RPTOR: variants seen among roughly 807,000 people sequenced by gnomAD.
RPTOR encodes regulatory-associated protein of mTOR.
A neutral mutation model predicts 169.9 loss-of-function variants in RPTOR; 21 were observed. The ratio of observed to expected loss-of-function variants is 0.12; its 90% confidence interval spans 0.09 to 0.18. The LOEUF (loss-of-function observed/expected upper bound fraction) is 0.18, where lower values mean the gene tolerates loss of function less well. Among genes scored for constraint, RPTOR ranks in the 10% least tolerant of loss-of-function variants. The pLI is 1.00. For synonymous variants in RPTOR, 732 were observed against 753.2 expected, an observed-to-expected ratio of 0.97 and a Z score of 0.46; for missense variants, 1,133 against 1,855.9, an observed-to-expected ratio of 0.61 and a Z score of 7.16.
At position 80,857,190 on chromosome 17, in the gene RPTOR, CAG is replaced by C. The variant is rs538125915; in HGVS notation, c.1399-595_1399-594del. On this transcript the variant is annotated intron_variant, in intron 12 of 33. Coordinates refer to ENST00000306801, the MANE Select transcript of RPTOR (RefSeq NM_020761.3). The stretch of plus-strand genomic sequence containing the variant: ...GCCCTCCCTCCCCTGCCTCTGAGGG[CAG>C]AGAGTCCCCTGAGAATGACATGGCC... Among the ~76,000 whole-genome samples, 11 of 152,362 alleles carry C rather than the reference CAG, an allele frequency of 7.2e-5. No homozygotes were observed. In the East Asian group the frequency reaches 2.1e-3, roughly 29 times the overall value.
intron 5 of RPTOR, among the ~76,000 whole-genome samples, chr17:80,738,644 A>G (rs1228786854): frequency 6.6e-6 from 1 of 152,174 alleles, no homozygotes; most frequent in Non-Finnish European, 1.5e-5. Flanking sequence ...TCTCCTACAC[A>G]GCGGCCTTGA....
At chr17:80,667,295 G>C (rs2065788200) in intron 3 of RPTOR, among the ~76,000 whole-genome samples, 1 of 152,170 alleles carries the variant, frequency 6.6e-6, no homozygotes, top group Non-Finnish European at 1.5e-5. Context: ...CGTCTGAGCT[G>C]GGAGCGAAGG....
At chr17:80,858,557 G>A (rs542022600) in intron 13 of RPTOR, among the ~76,000 whole-genome samples, 2 of 152,342 alleles carry the variant, frequency 1.3e-5, no homozygotes, top group East Asian at 3.9e-4. Flanking sequence ...CTTGGGTGCT[G>A]GCAGGGGTTG....
chr17:80,833,150 C>CGGACTT (rs1026961366), intron 9 of RPTOR, among the ~76,000 whole-genome samples: 1 of 152,266 alleles, frequency 6.6e-6, no homozygotes, highest in Non-Finnish European at 1.5e-5. Context: ...GGAGGCTGTG[C>CGGACTT]GGACTTGGAC....
intron 20 of RPTOR, among the ~76,000 whole-genome samples, chr17:80,903,444 C>T (rs2068501853): frequency 6.6e-6 from 1 of 152,256 alleles, no homozygotes; most frequent in African/African-American, 2.4e-5. Flanking sequence ...GGCCCCTGCA[C>T]CCCAGGCCTG....
chr17:80,861,976 C>T lies in RPTOR; in HGVS notation c.1509+4076C>T, dbSNP rs754832472. On this transcript the variant is annotated intron_variant, in intron 13 of 33. Coordinates refer to ENST00000306801, the MANE Select transcript of RPTOR (RefSeq NM_020761.3). The surrounding 1 kb of genome is among the most constrained non-coding windows in gnomAD (Gnocchi z 4.5). ...ACTGGCTCTTGGTCCCGTGGATCTC[C>T]CAGGGCCTGTTGCTCTCGAGTGCCC... Among the ~76,000 whole-genome samples the T allele has an allele frequency of 4.6e-5, 7 of 152,178 alleles. No homozygotes were observed. The highest frequency in any genetic ancestry group is 1.2e-4 in the African/African-American group (5 of 41,426).
rs1314513051 is a variant in RPTOR at position 80,963,798 on chromosome 17, G to A, written c.3940-464G>A. On this transcript the variant is annotated intron_variant, in intron 33 of 33. Transcript: ENST00000306801. Reference sequence around the variant, plus strand: ...GCGGCCCTCACCCCGTCCCCTCTGCGGCCCTCACCCCGTCCGCTGTGCGGC... The same window carrying A: ...GCGGCCCTCACCCCGTCCCCTCTGCAGCCCTCACCCCGTCCGCTGTGCGGC... 5.6e-4 allele frequency among the ~76,000 whole-genome samples: 70 copies of A among 125,500 alleles called. 4 individuals carry two copies. Among genetic ancestry groups the A allele is most frequent in the African/African-American group, 2.4e-3 (60 of 25,442 alleles). 82.3% of individuals were successfully genotyped at this position (125,500 alleles called of 152,430 possible).
intron 3 of RPTOR, among the ~76,000 whole-genome samples, chr17:80,704,559 A>T (rs562297506): frequency 6.3e-4 from 96 of 152,318 alleles, no homozygotes; most frequent in African/African-American, 2.3e-3. Flanking sequence ...GTACACACAT[A>T]CTTTCTGATA....
In RPTOR at chr17:80,822,230, C is replaced by T. The variant is rs2067387128; in HGVS notation, c.920C>T (p.Thr307Met). ...CCTGGCCGCCTGAACGACAGGAGGACGCCCCTGGGTGAACTGAACTGGATC... is the reference window on the plus strand; with the variant it reads ...CCTGGCCGCCTGAACGACAGGAGGATGCCCCTGGGTGAACTGAACTGGATC... ...KIPGRLNDRR[T>M]PLGELNWIFT... The change falls in exon 8 of 34, where the codon ACG becomes ATG. Residue 307 changes from threonine (T) to methionine (M), a missense_variant. By Grantham distance (81) the Thr-to-Met change is moderately conservative (BLOSUM62 -1). Around this residue, in one of 9 missense-constraint regions of RPTOR, gnomAD observed 289 missense variants for 585.8 expected, o/e 0.49. Coordinates refer to ENST00000306801, the MANE Select transcript of RPTOR (RefSeq NM_020761.3). 6.2e-7 allele frequency: 1 copy of T among 1,614,210 alleles called. No individual in the cohort carries two copies. The highest frequency in any genetic ancestry group is 8.5e-7 in the Non-Finnish European group (1 of 1,180,030).
intron 3 of RPTOR, among the ~76,000 whole-genome samples, chr17:80,703,341 A>C (rs761224911): frequency 3.9e-5 from 6 of 152,158 alleles, no homozygotes; most frequent in Non-Finnish European, 5.9e-5. Flanking sequence ...TGAAAAACAT[A>C]TCCTGTGTTC....
Position 80,932,146 on chromosome 17 carries a change from C to CATATATATATATATAT in RPTOR, c.2919+6670_2919+6685dup, listed in dbSNP as rs57950527. Reference sequence around the variant, plus strand: ...AGAGGCACACCCATTTCCAGGCATGCATATATATATATATATATACACCTT... The same window carrying CATATATATATATATAT: ...AGAGGCACACCCATTTCCAGGCATGCATATATATATATATATATATATATATATATATATACACCTT... On this transcript the variant is annotated intron_variant, in intron 24 of 33. Transcript: ENST00000306801. 1.4e-3 allele frequency among the ~76,000 whole-genome samples: 205 copies of CATATATATATATATAT among 145,940 alleles called. 1 individual carries two copies. Among genetic ancestry groups the CATATATATATATATAT allele is most frequent in the Non-Finnish European group, 1.8e-3 (122 of 66,446 alleles).
intron 1 of RPTOR, among the ~76,000 whole-genome samples, chr17:80,549,600 A>G (rs1243498984): frequency 2.0e-5 from 3 of 152,224 alleles, no homozygotes. Flanking sequence ...GGTGTGAGCC[A>G]CCGTGCCTGG....
chr17:80,624,467 T>C (rs1309742758), intron 1 of RPTOR, among the ~76,000 whole-genome samples: 1 of 152,208 alleles, frequency 6.6e-6, no homozygotes, highest in Non-Finnish European at 1.5e-5. Flanking sequence ...AAATTAAAAT[T>C]TGAGGGTGAA....
In RPTOR at chr17:80,730,764, T is replaced by TG; in HGVS notation, c.654+62dup. 1.1e-5 allele frequency: 5 copies of TG among 453,294 alleles called. No individual in the cohort carries two copies. The highest frequency in any genetic ancestry group is 2.1e-5 in the Non-Finnish European group (5 of 242,108). The allele number at this position is 453,294 out of a possible 1,614,324, so 28.1% of individuals were successfully genotyped here. A position where few individuals can be genotyped will look rare whatever the true frequency, so the allele number is the denominator to read the frequency against. On this transcript the variant is annotated intron_variant, in intron 5 of 33. Coordinates refer to ENST00000306801, the MANE Select transcript of RPTOR (RefSeq NM_020761.3). The surrounding 1 kb of genome is among the most constrained non-coding windows in gnomAD (Gnocchi z 4.2). Reference sequence around the variant, plus strand: ...GGTTTGGTTTTGTTTTCCCTGGGGGTGGGGTTTGGGTGGGGAGGTTGGGAG... The same window carrying TG: ...GGTTTGGTTTTGTTTTCCCTGGGGGTGGGGGTTTGGGTGGGGAGGTTGGGAG...
In RPTOR at chr17:80,959,030, G is replaced by A. The variant is rs192278315; in HGVS notation, c.3478-1048G>A. On this transcript the variant is annotated intron_variant, in intron 29 of 33. Coordinates refer to ENST00000306801, the MANE Select transcript of RPTOR (RefSeq NM_020761.3). This position sits in a 1 kb window ranked among gnomAD's most constrained non-coding sequence, Gnocchi z 6.7. ...GGAGGGATGGCTCAGCCCTGCTGCCGTAGAGGGCGGTGTGGAGCAGGCCCA... is the reference window on the plus strand; with the variant it reads ...GGAGGGATGGCTCAGCCCTGCTGCCATAGAGGGCGGTGTGGAGCAGGCCCA... Among the ~76,000 whole-genome samples, 262 of 152,356 alleles carry A rather than the reference G, an allele frequency of 1.7e-3. No individual in the cohort carries two copies. Among genetic ancestry groups the A allele is most frequent in the Middle Eastern group, 3.4e-3 (1 of 294 alleles).
At chr17:80,874,031 G>A (rs565119541) in intron 13 of RPTOR, among the ~76,000 whole-genome samples, 1 of 152,304 alleles carries the variant, frequency 6.6e-6, no homozygotes, top group Non-Finnish European at 1.5e-5. Context: ...GTCTCAGTCT[G>A]TACCTGTCTA....
At chr17:80,889,440 G>A (rs560739015) in intron 17 of RPTOR, among the ~76,000 whole-genome samples, 10 of 152,316 alleles carry the variant, frequency 6.6e-5, no homozygotes, top group Admixed American at 2.6e-4. Context: ...ACAAGCGACC[G>A]GTCAGAGGAC....
intron 4 of RPTOR, among the ~76,000 whole-genome samples, chr17:80,716,074 TA>T (rs975944489): frequency 6.8e-4 from 104 of 152,340 alleles, no homozygotes; most frequent in African/African-American, 2.0e-3. Context: ...TTCCTCTGGG[TA>T]AATACCCAGT....
At chr17:80,602,980 CCATTGGATGAT>C (rs1369327294) in intron 1 of RPTOR, 1 of 342,104 alleles carries the variant, frequency 2.9e-6, no homozygotes, top group Non-Finnish European at 5.5e-6. Context: ...CTTGGGTTGT[CCATTGGATGAT>C]CATCCCAGAT....
Sources: allele counts gnomAD v4.1 joint callset (sites outside exome capture counted in the v4.1 genomes callset), GRCh38; gene constraint gnomAD v4.1.1; regional missense constraint gnomAD v4.1.1; non-coding constraint Gnocchi (gnomAD v3.1); transcripts MANE v1.5; gene names NCBI Gene and HGNC (gene_info 2026-07-23, HGNC 2026-07-21).